The following CPNE4 variants were observed in gnomAD, a reference collection of about 807,000 sequenced individuals.
The protein encoded by CPNE4 is copine 4.
In CPNE4, 25 loss-of-function variants were observed where a neutral mutation model predicts 67.9. That is an observed-to-expected ratio of 0.37 (90% confidence interval 0.27 to 0.51). CPNE4 has a LOEUF of 0.51. CPNE4 is among the 20% of genes least tolerant of loss of function. CPNE4 has a pLI of 0.93. For missense variants in CPNE4, 464 were observed against 690.8 expected, an observed-to-expected ratio of 0.67 and a Z score of 3.68; for synonymous variants, 242 against 244.9, an observed-to-expected ratio of 0.99 and a Z score of 0.11.
At chr3:132,002,517 T>C (rs1183153023) in intron 1 of CPNE4, among the ~76,000 whole-genome samples, 1 of 152,150 alleles carries the variant, frequency 6.6e-6, no homozygotes, top group African/African-American at 2.4e-5. Flanking sequence ...TAAAAGAATG[T>C]GAAGAATGAC....
chr3:131,556,609 A>G (rs567342382), intron 11 of CPNE4, among the ~76,000 whole-genome samples: 1 of 151,950 alleles, frequency 6.6e-6, no homozygotes, highest in South Asian at 2.1e-4. Context: ...TTATTATAGA[A>G]CTTGTCATGG....
At chr3:131,874,864 T>C (rs941874791) in intron 2 of CPNE4, among the ~76,000 whole-genome samples, 5 of 152,138 alleles carry the variant, frequency 3.3e-5, no homozygotes, top group African/African-American at 1.2e-4. Flanking sequence ...GAAAATCACG[T>C]GTATATAATT....
At chr3:131,537,901 A>AATCT (rs1325076876) in intron 15 of CPNE4, among the ~76,000 whole-genome samples, 1 of 152,196 alleles carries the variant, frequency 6.6e-6, no homozygotes, top group African/African-American at 2.4e-5. Context: ...AGGGTTTCTC[A>AATCT]ATCTTGACAC....
intron 2 of CPNE4, among the ~76,000 whole-genome samples, chr3:131,821,955 G>A (rs969739258): frequency 1.3e-5 from 2 of 152,130 alleles, no homozygotes; most frequent in Non-Finnish European, 2.9e-5. Flanking sequence ...CTAATTACCA[G>A]TAGCAGTGTA....
At chr3:131,989,270 C>T (rs185741929) in intron 1 of CPNE4, among the ~76,000 whole-genome samples, 240 of 152,264 alleles carry the variant, frequency 1.6e-3, no homozygotes, top group Non-Finnish European at 1.3e-3. Context: ...TCAGATTCAA[C>T]GTGAAAATAT....
At chr3:131,633,450 C>T (rs999301822) in intron 7 of CPNE4, among the ~76,000 whole-genome samples, 4 of 152,082 alleles carry the variant, frequency 2.6e-5, no homozygotes, top group African/African-American at 9.7e-5. Flanking sequence ...TCTCAAAAGT[C>T]AAAGAAGCAT....
chr3:131,817,681 G>A (rs925293003), intron 2 of CPNE4, among the ~76,000 whole-genome samples: 3 of 152,178 alleles, frequency 2.0e-5, no homozygotes, highest in African/African-American at 7.2e-5. Context: ...ATTGAAAAGT[G>A]CAGGCCAGAA....
At chr3:131,978,172 T>A (rs1185438855) in intron 1 of CPNE4, among the ~76,000 whole-genome samples, 2 of 71,476 alleles carry the variant, frequency 2.8e-5, no homozygotes, top group Non-Finnish European at 4.7e-5. Flanking sequence ...TATATAAATA[T>A]GTAAATATAT....
At position 131,994,245 on chromosome 3, in the gene CPNE4, A is replaced by C. The variant is rs1349303473; in HGVS notation, c.-2+40322T>G. 1.5e-5 allele frequency among the ~76,000 whole-genome samples: 2 copies of C among 136,722 alleles called. 1 individual carries two copies. The allele number at this position is 136,722 out of a possible 152,430, so 89.7% of individuals were successfully genotyped here. ...TCAACTTCATGGATTGGAAGATTTA[A>C]TATTGTGTAGAATCAATGCAGTTCC... On this transcript the variant is annotated intron_variant, in intron 1 of 15. Coordinates refer to ENST00000429747, the MANE Select transcript of CPNE4 (RefSeq NM_130808.3).
chr3:131,907,010 G>A (rs2088797130), intron 1 of CPNE4, among the ~76,000 whole-genome samples: 1 of 151,654 alleles, frequency 6.6e-6, no homozygotes, highest in African/African-American at 2.4e-5. Flanking sequence ...AAATTTACAA[G>A]AAAAAAACAA....
intron 8 of CPNE4, 136 bp downstream of exon 8, chr3:131,587,348 C>T (rs1384885501): frequency 7.9e-6 from 5 of 636,224 alleles, no homozygotes; most frequent in African/African-American, 1.8e-5. Flanking sequence ...TCTAGATACT[C>T]ACATCCTACC....
At chr3:131,802,558 C>G (rs73875021) in intron 2 of CPNE4, among the ~76,000 whole-genome samples, 1,897 of 152,208 alleles carry the variant, frequency 0.012, 51 homozygotes, top group African/African-American at 0.044. Context: ...TGCACTTAGC[C>G]TGGGATGGGG....
chr3:131,644,112 T>C (rs2079604066), intron 7 of CPNE4, among the ~76,000 whole-genome samples: 1 of 152,142 alleles, frequency 6.6e-6, no homozygotes, highest in South Asian at 2.1e-4. Context: ...GAATTTCTGC[T>C]TTAGTAGGTC....
chr3:131,691,642 G>A (rs919548926), intron 5 of CPNE4, among the ~76,000 whole-genome samples: 3 of 151,982 alleles, frequency 2.0e-5, no homozygotes, highest in African/African-American at 7.3e-5. Context: ...AAACCTCAGT[G>A]TCATGCAATA....
chr3:131,985,095 CCTTCCAAGTTGCAGAGTGTCAA>C (rs781422430), intron 1 of CPNE4, among the ~76,000 whole-genome samples: 2 of 152,188 alleles, frequency 1.3e-5, no homozygotes, highest in Non-Finnish European at 2.9e-5. Flanking sequence ...GTGAGGGCTC[CCTTCCAAGTTGCAGAGTGTCAA>C]CTTCTCATTG....
At chr3:131,868,231 G>T (rs2087040925) in intron 2 of CPNE4, among the ~76,000 whole-genome samples, 1 of 152,148 alleles carries the variant, frequency 6.6e-6, no homozygotes, top group Non-Finnish European at 1.5e-5. Flanking sequence ...CTGAAGTAAA[G>T]CCTATCTTTC....
chr3:131,804,642 T>C (rs533306198), intron 2 of CPNE4, among the ~76,000 whole-genome samples: 6 of 152,224 alleles, frequency 3.9e-5, no homozygotes, highest in Non-Finnish European at 1.5e-5. Flanking sequence ...TCCCTTGTAT[T>C]GGGCTGGCCT....
At position 131,552,427 on chromosome 3, in the gene CPNE4, C is replaced by T. The variant is rs776328531; in HGVS notation, c.1168+13G>A. On this transcript the variant is annotated intron_variant, in intron 13 of 15. Transcript: ENST00000429747. ...GGACTGTGACACTGGCTTTCTTTCA[C>T]GTTGTGCTTTACCTGCACATTCTGG... 2.0e-5 allele frequency: 32 copies of T among 1,610,408 alleles called. No individual in the cohort carries two copies. Among genetic ancestry groups the T allele is most frequent in the African/African-American group, 1.9e-4 (14 of 74,778 alleles).
chr3:131,928,441 C>A (rs954023348), intron 1 of CPNE4, among the ~76,000 whole-genome samples: 1 of 152,138 alleles, frequency 6.6e-6, no homozygotes, highest in Non-Finnish European at 1.5e-5. Flanking sequence ...CAAATCTATT[C>A]AAAGGAGCAA....
Sources: gnomAD v4.1 joint callset for allele counts (sites outside exome capture counted in the v4.1 genomes callset) on GRCh38, gnomAD v4.1.1 for gene constraint, MANE v1.5 for transcripts, NCBI Gene and HGNC (gene_info 2026-07-23, HGNC 2026-07-21) for gene names.